The following AKAP13 variants were observed in gnomAD, a reference collection of about 807,000 sequenced individuals.
AKAP13 encodes the protein A-kinase anchoring protein 13.
A neutral mutation model predicts 264.5 loss-of-function variants in AKAP13; 80 were observed. The observed-to-expected ratio is 0.30, with a 90% CI of 0.25 to 0.36. The LOEUF is 0.36. Among genes scored for constraint, AKAP13 ranks in the 10% least tolerant of loss-of-function variants. The pLI, the probability that AKAP13 is intolerant of heterozygous loss-of-function variation, is 1.00. For missense variants in AKAP13, 3,712 were observed against 3,435.2 expected (o/e 1.08, Z -2.01); for synonymous variants, 1,380 against 1,250.2 (o/e 1.10, Z -2.19).
chr15:85,598,680 C>T (rs2079926154), intron 8 of AKAP13, among the ~76,000 whole-genome samples: 1 of 152,140 alleles, frequency 6.6e-6, no homozygotes, highest in Non-Finnish European at 1.5e-5. Context: ...GATTTCATCC[C>T]TCAAGAAGCT....
intron 8 of AKAP13, among the ~76,000 whole-genome samples, 177 bp from the exon 9 acceptor site, chr15:85,639,197 G>A (rs2082196440): frequency 1.3e-5 from 2 of 151,970 alleles, no homozygotes; most frequent in South Asian, 2.1e-4. Context: ...AGATCCTTGA[G>A]TATAGATTGC....
intron 1 of AKAP13, among the ~76,000 whole-genome samples, chr15:85,381,114 T>A (rs575332415): frequency 1.3e-5 from 2 of 152,140 alleles, no homozygotes; most frequent in South Asian, 2.1e-4. Context: ...CGGCCGCCGA[T>A]GCTACCTCAG....
At chr15:85,643,260 G>A (rs1184518588) in intron 9 of AKAP13, among the ~76,000 whole-genome samples, 1 of 148,850 alleles carries the variant, frequency 6.7e-6, no homozygotes, top group African/African-American at 2.5e-5. Flanking sequence ...TCTGCTACAA[G>A]ACAGTAAACT....
rs553256755 is a variant in AKAP13 at position 85,745,002 on chromosome 15, A to C, written c.*325A>C. On this transcript the variant is annotated 3_prime_UTR_variant, in exon 37 of 37. Transcript: ENST00000394518. Reference sequence around the variant, plus strand: ...ACACGTCAGGAATTCCTAAAGGCTGAAAGAGTGTATCCAAGTAAGGTCTGA... The same window carrying C: ...ACACGTCAGGAATTCCTAAAGGCTGCAAGAGTGTATCCAAGTAAGGTCTGA... 12 of 246,054 alleles carry C rather than the reference A, an allele frequency of 4.9e-5. No homozygotes were observed. Among genetic ancestry groups the C allele is most frequent in the Non-Finnish European group, 9.4e-5 (12 of 127,546 alleles). 15.2% of individuals were successfully genotyped at this position (246,054 alleles called of 1,614,324 possible).
intron 3 of AKAP13, among the ~76,000 whole-genome samples, chr15:85,526,258 C>CT (rs902077000): frequency 5.0e-4 from 73 of 147,424 alleles, no homozygotes; most frequent in African/African-American, 1.6e-3. Context: ...TTCTTTCTCT[C>CT]TTTTTTTTTG....
rs578003539 is a variant in AKAP13, at chr15:85,628,237, A to G, written c.4162-11137A>G. 1.2e-3 allele frequency among the ~76,000 whole-genome samples: 180 copies of G among 152,310 alleles called. 1 individual carries two copies. The highest frequency in any genetic ancestry group is 4.2e-3 in the African/African-American group (176 of 41,560). On this transcript the variant is annotated intron_variant, in intron 8 of 36. Transcript: ENST00000394518. ...ATTATACTTATAAACCGTGGTAGCT[A>G]CTATGCCAATTGTAATCAGAATCAT...
At chr15:85,517,318 A>T (rs985904582) in intron 2 of AKAP13, among the ~76,000 whole-genome samples, 1 of 150,628 alleles carries the variant, frequency 6.6e-6, no homozygotes, top group Non-Finnish European at 1.5e-5. Flanking sequence ...GACTCTTCCC[A>T]TCCCCCAAAT....
chr15:85,643,758 G>A (rs2082418576), intron 9 of AKAP13, among the ~76,000 whole-genome samples: 1 of 152,202 alleles, frequency 6.6e-6, no homozygotes, highest in African/African-American at 2.4e-5. Flanking sequence ...CCCTGGAACA[G>A]TACAGAGGGA....
At chr15:85,613,689 A>C (rs796483027) in intron 8 of AKAP13, among the ~76,000 whole-genome samples, 1 of 76,224 alleles carries the variant, frequency 1.3e-5, no homozygotes, top group African/African-American at 5.3e-5. Flanking sequence ...TAAAAAAAAA[A>C]AAATATATAT....
rs188921154 is a variant in AKAP13, at chr15:85,724,582, A to G, written c.6745+1262A>G. On this transcript the variant is annotated intron_variant, in intron 26 of 36. Coordinates refer to ENST00000394518, the MANE Select transcript of AKAP13 (RefSeq NM_007200.5). The surrounding 1 kb of genome is among the most constrained non-coding windows in gnomAD (Gnocchi z 4.2). ...CCAGCCCAAAGAAACGGGAGGGGCC[A>G]GGTTGTAATGAGGTGCATTCTCCAG... is the stretch of plus-strand genomic sequence containing the variant. Among the ~76,000 whole-genome samples the G allele has an allele frequency of 1.6e-4, 25 of 151,954 alleles. No individual in the cohort carries two copies. The East Asian group carries it at 2.7e-3, about 17-fold the overall frequency.
At chr15:85,587,772 G>A (rs972061478) in intron 8 of AKAP13, among the ~76,000 whole-genome samples, 3 of 151,944 alleles carry the variant, frequency 2.0e-5, no homozygotes, top group Admixed American at 6.6e-5. Context: ...TCAGCCTCCC[G>A]AGTAGCTGGG....
intron 1 of AKAP13, among the ~76,000 whole-genome samples, chr15:85,399,535 A>T (rs12915468): frequency 0.47 from 48,917 of 104,854 alleles, 12,115 homozygotes; most frequent in Middle Eastern, 0.54. Flanking sequence ...AAAAAATAAA[A>T]AAATAAATAA....
chr15:85,478,117 A>G (rs1596300305), intron 1 of AKAP13, among the ~76,000 whole-genome samples: 1 of 152,152 alleles, frequency 6.6e-6, no homozygotes, highest in East Asian at 1.9e-4. Context: ...TGTGCTCATC[A>G]TACTGTAATA....
At chr15:85,706,139 G>GTT (rs1250976114) in intron 17 of AKAP13, among the ~76,000 whole-genome samples, 2 of 152,078 alleles carry the variant, frequency 1.3e-5, no homozygotes, top group African/African-American at 4.8e-5. Flanking sequence ...AAGAGAAAGG[G>GTT]TTTGAGTGGG....
rs189436133 is a variant in AKAP13, at chr15:85,704,806, T to C, written c.5465-3213T>C. 2.4e-4 allele frequency among the ~76,000 whole-genome samples: 36 copies of C among 152,354 alleles called. 1 individual carries two copies. Among genetic ancestry groups the C allele is most frequent in the African/African-American group, 6.5e-4 (27 of 41,580 alleles). ...GTATTAGATTTGTCTTCAATTCTTG[T>C]GTTCTTGGTAATTTTCTGTTTTCCC... On this transcript the variant is annotated intron_variant, in intron 17 of 36. Transcript: ENST00000394518.
At chr15:85,548,655 T>A (rs2077842457) in intron 5 of AKAP13, among the ~76,000 whole-genome samples, 1 of 152,198 alleles carries the variant, frequency 6.6e-6, no homozygotes, top group Admixed American at 6.5e-5. Context: ...GAACATTTCT[T>A]ATATATTAAT....
At chr15:85,541,903 C>A (rs1455154102) in intron 4 of AKAP13, among the ~76,000 whole-genome samples, 3 of 152,210 alleles carry the variant, frequency 2.0e-5, no homozygotes, top group Non-Finnish European at 4.4e-5. Context: ...GTCAGGGCAT[C>A]AGCTTCTGAG....
At chr15:85,585,856 A>C (rs779224354) in intron 8 of AKAP13, 33 bp downstream of exon 8, 1 of 1,610,324 alleles carries the variant, frequency 6.2e-7, no homozygotes, top group Non-Finnish European at 8.5e-7. Flanking sequence ...TAAGGGCACA[A>C]AATGTGTTTA....
At chr15:85,416,445 C>G (rs938325878) in intron 1 of AKAP13, among the ~76,000 whole-genome samples, 2 of 152,112 alleles carry the variant, frequency 1.3e-5, no homozygotes, top group Middle Eastern at 3.2e-3. Context: ...TAGAAATGAT[C>G]AGTTTCATTA....
Sources: allele counts gnomAD v4.1 joint callset (sites outside exome capture counted in the v4.1 genomes callset), GRCh38; gene constraint gnomAD v4.1.1; non-coding constraint Gnocchi (gnomAD v3.1); transcripts MANE v1.5; gene names NCBI Gene and HGNC (gene_info 2026-07-23, HGNC 2026-07-21).